FAM161B: variants seen among roughly 807,000 people sequenced by gnomAD.
The protein encoded by FAM161B is FAM161 centrosomal protein B, also known as protein FAM161B.
Under a neutral mutation model 61.5 loss-of-function variants are expected in FAM161B, and 46 were observed. The ratio of observed to expected loss-of-function variants is 0.75; its 90% confidence interval spans 0.59 to 0.96. The LOEUF (loss-of-function observed/expected upper bound fraction) is 0.96, where lower values mean the gene tolerates loss of function less well. Among genes scored for constraint, FAM161B ranks in the 40% least tolerant of loss-of-function variants. The probability of loss-of-function intolerance (pLI) is 0.00; values close to 1 mark genes in which losing one functional copy is unlikely to be tolerated. For missense variants in FAM161B, 774 were observed against 800.7 expected (o/e 0.97, Z 0.40); for synonymous variants, 284 against 302.7 (o/e 0.94, Z 0.64).
chr14:73,939,843 T>C (rs2056002677), intron 5 of FAM161B, among the ~76,000 whole-genome samples: 1 of 152,226 alleles, frequency 6.6e-6, no homozygotes, highest in South Asian at 2.1e-4. Context: ...AAGAAGGACA[T>C]GAAAATTTAA....
downstream of FAM161B, among the ~76,000 whole-genome samples, chr14:73,931,152 G>A (rs913926729): frequency 1.3e-5 from 2 of 152,050 alleles, no homozygotes; most frequent in Admixed American, 6.5e-5. Flanking sequence ...CCTATCCTTT[G>A]GCTGACACGT....
At position 73,942,537 on chromosome 14, in the gene FAM161B, C is replaced by T. The variant is rs781535878; in HGVS notation, c.1104G>A (p.Val368=). 3.7e-6 allele frequency: 6 copies of T among 1,614,234 alleles called. No homozygotes were observed. In the South Asian group the frequency reaches 5.5e-5, roughly 15 times the overall value. ...LHTNFRFQPR[V]NPVVPDYEGL... The stretch of plus-strand genomic sequence containing the variant: ...CCTCATAGTCAGGGACCACAGGATT[C>T]ACCCGAGGCTGGAATCTGAAGTTAG... The change falls in exon 4 of 9, where the codon GTG becomes GTA. Residue 368 remains valine (V), a synonymous_variant. Coordinates refer to ENST00000286544, the MANE Select transcript of FAM161B (RefSeq NM_152445.3).
At chr14:73,941,581 T>C (rs541330154) in intron 4 of FAM161B, among the ~76,000 whole-genome samples, 1 of 151,814 alleles carries the variant, frequency 6.6e-6, no homozygotes, top group Non-Finnish European at 1.5e-5. Flanking sequence ...ATGAGAAGAG[T>C]TCCTTGGAAT....
intron 8 of FAM161B, among the ~76,000 whole-genome samples, chr14:73,934,746 C>A (rs1168591903): frequency 6.6e-6 from 1 of 152,004 alleles, no homozygotes; most frequent in African/African-American, 2.4e-5. Flanking sequence ...CGTGCCCAGT[C>A]TGAAAAAAGA....
In FAM161B at chr14:73,940,056, T is replaced by G. The variant is rs376653078; in HGVS notation, c.1400+870A>C. ...ACCGTAAATACTCTTCTACAATCCC[T>G]GCTGTGGGGCTTAACGATCCAAGTA... On this transcript the variant is annotated intron_variant, in intron 5 of 8. Transcript: ENST00000286544. Among the ~76,000 whole-genome samples, 2 of 152,180 alleles carry G rather than the reference T, an allele frequency of 1.3e-5. 1 individual carries two copies.
the FAM161B span, chr14:73,924,707 C>CG: frequency 2.2e-6 from 1 of 444,722 alleles, no homozygotes; most frequent in Non-Finnish European, 4.5e-6. Context: ...GACAGAGTCT[C>CG]GCTCCGTTGC....
At chr14:73,943,701 T>A (rs2140347596) in intron 3 of FAM161B, among the ~76,000 whole-genome samples, 1 of 152,306 alleles carries the variant, frequency 6.6e-6, no homozygotes, top group South Asian at 2.1e-4. Context: ...GTTAGGTCCC[T>A]TTGATATATG....
At chr14:73,939,921 C>T (rs1566673928) in intron 5 of FAM161B, among the ~76,000 whole-genome samples, 1 of 152,220 alleles carries the variant, frequency 6.6e-6, no homozygotes, top group African/African-American at 2.4e-5. Context: ...GAAGGCCAGC[C>T]TCTTTGTTCA....
rs138357426 is a variant in FAM161B at position 73,944,629 on chromosome 14, C to T, written c.631G>A (p.Glu211Lys). Residue 211 changes from glutamate (E) to lysine (K), a missense_variant, in exon 3 of 9, where the codon GAG becomes AAG. Glu to Lys is a moderately conservative substitution (Grantham distance 56). Coordinates refer to ENST00000286544, the MANE Select transcript of FAM161B (RefSeq NM_152445.3). ...RAQRQGEEEAECHRQFRAQPV... is the reference protein window; with the variant it reads ...RAQRQGEEEAKCHRQFRAQPV... ...TGTGCCCGGAACTGCCTGTGGCACT[C>T]GGCCTCTTCCTCACCCTGCCTCTGG... is the stretch of plus-strand genomic sequence containing the variant. 1.2e-5 allele frequency: 19 copies of T among 1,613,786 alleles called. No individual in the cohort carries two copies. The highest frequency in any genetic ancestry group is 6.7e-5 in the East Asian group (3 of 44,878).
chr14:73,940,997 A>T lies in FAM161B; in HGVS notation c.1329T>A (p.Leu443=). ...GGAGAGTGTTGGCAGAGAGGGAAGC[A>T]AGGCCGCTCAGAGAACGACTCCTTG... is the stretch of plus-strand genomic sequence containing the variant. The part of the protein sequence containing the change: ...PLPRSRSLSG[L]ASLSANTLPV... Residue 443 remains leucine (L), a synonymous_variant, in exon 5 of 9, where the codon CTT becomes CTA. Transcript: ENST00000286544. The T allele has an allele frequency of 6.2e-7, 1 of 1,613,712 alleles. No homozygotes were observed. Among genetic ancestry groups the T allele is most frequent in the Non-Finnish European group, 8.5e-7 (1 of 1,179,774 alleles).
chr14:73,949,838 C>A (rs2056117750), intron 1 of FAM161B, 135 bp downstream of exon 1: 5 of 1,286,840 alleles, frequency 3.9e-6, no homozygotes, highest in Non-Finnish European at 5.3e-6. Flanking sequence ...TCAGAGTCCG[C>A]CTCCTGGTCC....
chr14:73,937,394 C>A (rs1034747191), intron 7 of FAM161B, among the ~76,000 whole-genome samples: 1 of 152,130 alleles, frequency 6.6e-6, no homozygotes, highest in African/African-American at 2.4e-5. Context: ...ATCCCTTTAT[C>A]GATGCCTTTG....
chr14:73,937,569 G>A, intron 7 of FAM161B, 33 bp downstream of exon 7: 20 of 1,583,286 alleles, frequency 1.3e-5, no homozygotes, highest in Non-Finnish European at 1.7e-5. Flanking sequence ...TTTATCTAAG[G>A]CAGAAAGAAA....
intron 1 of FAM161B, 53 bp from the exon 2 acceptor site, chr14:73,946,658 C>A: frequency 1.3e-6 from 2 of 1,551,966 alleles, no homozygotes; most frequent in South Asian, 1.2e-5. Flanking sequence ...CAAAGGTATT[C>A]AAATCATAAC....
At chr14:73,940,827 G>A in intron 5 of FAM161B, 99 bp downstream of exon 5, 2 of 1,483,694 alleles carry the variant, frequency 1.3e-6, no homozygotes, top group East Asian at 2.4e-5. Flanking sequence ...GACCCCTTGA[G>A]GTATCTCTGA....
rs2055932899 is a variant in FAM161B at position 73,932,582 on chromosome 14, C to G, written c.*1674G>C. 2 of 409,806 alleles carry G rather than the reference C, an allele frequency of 4.9e-6. No individual in the cohort carries two copies. Among genetic ancestry groups the G allele is most frequent in the Non-Finnish European group, 9.5e-6 (2 of 209,648 alleles). 25.4% of individuals were successfully genotyped at this position (409,806 alleles called of 1,614,324 possible). ...GCTTTAGTTAGAGCAGGCACTCTTG[C>G]TATCAGTCATCCTGTCTCCACAGCT... On this transcript the variant is annotated 3_prime_UTR_variant, in exon 9 of 9. Coordinates refer to ENST00000286544, the MANE Select transcript of FAM161B (RefSeq NM_152445.3).
intron 7 of FAM161B, among the ~76,000 whole-genome samples, chr14:73,937,356 C>T (rs1302989777): frequency 6.6e-6 from 1 of 152,156 alleles, no homozygotes; most frequent in African/African-American, 2.4e-5. Context: ...GAATGGTAGA[C>T]TACAGTGAAA....
chr14:73,924,178 G>C, the FAM161B span, among the ~76,000 whole-genome samples: 669 of 152,180 alleles, frequency 4.4e-3, 6 homozygotes, highest in African/African-American at 0.016. Context: ...GACCGGTTTC[G>C]TTTCACCTCA....
In FAM161B at chr14:73,944,774, G is replaced by C; in HGVS notation, c.486C>G (p.Val162=). ...CAGTAATGGATGATGCCCAGGAGCT[G>C]ACGCTTCTGTGCTGGGAGGGAGGCC... ...GSRPPSQHRS[V]SSWASSITVP... Residue 162 remains valine (V), a synonymous_variant, in exon 3 of 9, where the codon GTC becomes GTG. Coordinates refer to ENST00000286544, the MANE Select transcript of FAM161B (RefSeq NM_152445.3). The C allele has an allele frequency of 6.3e-7, 1 of 1,591,374 alleles. No homozygotes were observed. Among genetic ancestry groups the C allele is most frequent in the Non-Finnish European group, 8.6e-7 (1 of 1,166,296 alleles).
Sources: allele counts gnomAD v4.1 joint callset (sites outside exome capture counted in the v4.1 genomes callset), GRCh38; gene constraint gnomAD v4.1.1; transcripts MANE v1.5; gene names NCBI Gene and HGNC (gene_info 2026-07-23, HGNC 2026-07-21).